PTPRD: variants seen among roughly 807,000 people sequenced by gnomAD.
PTPRD encodes the protein receptor-type tyrosine-protein phosphatase delta.
Under a neutral mutation model 214.5 loss-of-function variants are expected in PTPRD, and 34 were observed. That is an observed-to-expected ratio of 0.16 (90% confidence interval 0.12 to 0.21). The LOEUF is 0.21. PTPRD is among the 10% of genes least tolerant of loss of function. The probability of loss-of-function intolerance (pLI) is 1.00; values close to 1 mark genes in which losing one functional copy is unlikely to be tolerated. For missense variants in PTPRD, 2,545 were observed against 2,398.7 expected, an observed-to-expected ratio of 1.06 and a Z score of -1.27; for synonymous variants, 1,128 against 845.7, an observed-to-expected ratio of 1.33 and a Z score of -5.79.
At chr9:9,886,155 G>C (rs2070823503) in intron 5 of PTPRD, among the ~76,000 whole-genome samples, 1 of 152,028 alleles carries the variant, frequency 6.6e-6, no homozygotes, top group Non-Finnish European at 1.5e-5. Context: ...ATAGCCAAGA[G>C]ACATCAGAGG....
intron 35 of PTPRD, among the ~76,000 whole-genome samples, chr9:8,429,589 G>C (rs947084467): frequency 6.6e-6 from 1 of 152,114 alleles, no homozygotes; most frequent in Non-Finnish European, 1.5e-5. Context: ...AAAACAGAAG[G>C]ACAGGGCTCT....
chr9:9,084,894 C>T (rs1433955895), intron 10 of PTPRD, among the ~76,000 whole-genome samples: 1 of 152,048 alleles, frequency 6.6e-6, no homozygotes, highest in African/African-American at 2.4e-5. Flanking sequence ...ATTTCTTAGC[C>T]ACTTTCTCAT....
intron 14 of PTPRD, among the ~76,000 whole-genome samples, chr9:8,566,892 G>T (rs1036229491): frequency 6.6e-5 from 10 of 152,054 alleles, no homozygotes; most frequent in Admixed American, 2.6e-4. Flanking sequence ...GGTAGATCTG[G>T]TCATCAGTCC....
chr9:8,975,112 A>AC (rs1303210130), intron 11 of PTPRD, among the ~76,000 whole-genome samples: 1 of 151,756 alleles, frequency 6.6e-6, no homozygotes, highest in East Asian at 1.9e-4. Context: ...AAAAAAAAAA[A>AC]AAGATTTTCA....
At chr9:10,567,621 A>C (rs1053721372) in intron 2 of PTPRD, among the ~76,000 whole-genome samples, 3 of 152,056 alleles carry the variant, frequency 2.0e-5, no homozygotes, top group African/African-American at 7.2e-5. Flanking sequence ...TCTGATAGTC[A>C]AATGGAATAA....
chr9:8,668,798 G>T (rs1034470644), intron 12 of PTPRD, among the ~76,000 whole-genome samples: 1 of 152,162 alleles, frequency 6.6e-6, no homozygotes, highest in Non-Finnish European at 1.5e-5. Flanking sequence ...TCTCAAAATT[G>T]TGTCTACAAT....
intron 8 of PTPRD, among the ~76,000 whole-genome samples, chr9:9,496,203 A>T (rs1475477542): frequency 1.3e-5 from 2 of 152,228 alleles, no homozygotes; most frequent in Non-Finnish European, 2.9e-5. Context: ...AATTAAAAAA[A>T]TAGACAATTT....
At chr9:9,663,754 A>G (rs981495709) in intron 7 of PTPRD, among the ~76,000 whole-genome samples, 2 of 151,574 alleles carry the variant, frequency 1.3e-5, no homozygotes, top group Admixed American at 6.6e-5. Context: ...GTATTAAGTG[A>G]TATATACCTA....
chr9:9,580,211 T>G lies in PTPRD; in HGVS notation c.-286-5430A>C, dbSNP rs543978332. Among the ~76,000 whole-genome samples, 25 of 152,268 alleles carry G rather than the reference T, an allele frequency of 1.6e-4. No individual in the cohort carries two copies. The East Asian group carries it at 4.6e-3, about 28-fold the overall frequency. On this transcript the variant is annotated intron_variant, in intron 7 of 45. Transcript: ENST00000381196. ...TTTTTGGTACAATGATTTCTTTTCCTTCGGGTATATATCAAGTAGTGGGAT... is the reference window on the plus strand; with the variant it reads ...TTTTTGGTACAATGATTTCTTTTCCGTCGGGTATATATCAAGTAGTGGGAT...
rs555235829 is a variant in PTPRD, at chr9:8,649,441, T to G, written c.65-12597A>C. The stretch of plus-strand genomic sequence containing the variant: ...TCTCATCTATCAACTGCACACTGGT[T>G]AAGTTGGCAAGATACTTTGGGAAGT... On this transcript the variant is annotated intron_variant, in intron 12 of 45. Transcript: ENST00000381196. Among the ~76,000 whole-genome samples the G allele has an allele frequency of 2.0e-5, 3 of 152,332 alleles. No individual in the cohort carries two copies. The East Asian group carries it at 5.8e-4, about 29-fold the overall frequency.
At chr9:10,369,089 T>G (rs752302042) in intron 2 of PTPRD, among the ~76,000 whole-genome samples, 1 of 152,024 alleles carries the variant, frequency 6.6e-6, no homozygotes, top group Non-Finnish European at 1.5e-5. Flanking sequence ...GTTAAAAAAA[T>G]TGTGCTAAAT....
chr9:8,849,171 A>ATTTTTT (rs746565485), intron 11 of PTPRD, among the ~76,000 whole-genome samples: 11 of 108,740 alleles, frequency 1.0e-4, no homozygotes, highest in Admixed American at 3.5e-4. Flanking sequence ...TCAAAAAAAA[A>ATTTTTT]TTTTTTTTTT....
chr9:10,165,352 G>A (rs2099152525), intron 3 of PTPRD, among the ~76,000 whole-genome samples: 1 of 151,674 alleles, frequency 6.6e-6, no homozygotes, highest in Non-Finnish European at 1.5e-5. Context: ...TAATAAACAT[G>A]AAGCCACAGC....
chr9:9,096,211 G>A (rs1472626246), intron 10 of PTPRD, among the ~76,000 whole-genome samples: 1 of 152,188 alleles, frequency 6.6e-6, no homozygotes, highest in African/African-American at 2.4e-5. Context: ...CATGCCAAAT[G>A]AGTAGATTTT....
intron 8 of PTPRD, among the ~76,000 whole-genome samples, chr9:9,483,959 A>G (rs536247226): frequency 1.3e-5 from 2 of 151,866 alleles, no homozygotes; most frequent in East Asian, 3.9e-4. Flanking sequence ...CCCTACCTAC[A>G]GGTTTTCTGT....
chr9:9,608,331 G>T lies in PTPRD; in HGVS notation c.-286-33550C>A, dbSNP rs184399691. On this transcript the variant is annotated intron_variant, in intron 7 of 45. Transcript: ENST00000381196. ...TACAATTTTAAAGCCTCTGGTGCATGGTTATTTAACCTTATTGATACATCG... is the reference window on the plus strand; with the variant it reads ...TACAATTTTAAAGCCTCTGGTGCATTGTTATTTAACCTTATTGATACATCG... 3.7e-3 allele frequency among the ~76,000 whole-genome samples: 558 copies of T among 152,156 alleles called. 4 individuals are homozygous for T. The highest frequency in any genetic ancestry group is 5.7e-3 in the Non-Finnish European group (387 of 67,986).
At chr9:8,404,990 T>C (rs2092822520) in intron 35 of PTPRD, among the ~76,000 whole-genome samples, 1 of 152,242 alleles carries the variant, frequency 6.6e-6, no homozygotes, top group South Asian at 2.1e-4. Flanking sequence ...CTTGGTTCAA[T>C]ATTCCTTCCG....
At chr9:8,355,570 A>G (rs530705253) in intron 39 of PTPRD, among the ~76,000 whole-genome samples, 5 of 152,348 alleles carry the variant, frequency 3.3e-5, no homozygotes, top group African/African-American at 1.2e-4. Flanking sequence ...GAATAATACT[A>G]GAAGATGGGA....
At position 9,468,949 on chromosome 9, in the gene PTPRD, C is replaced by G. The variant is rs183018923; in HGVS notation, c.-236-71467G>C. Among the ~76,000 whole-genome samples the G allele has an allele frequency of 2.6e-5, 4 of 152,152 alleles. No homozygotes were observed. The East Asian group carries it at 5.8e-4, about 22-fold the overall frequency. On this transcript the variant is annotated intron_variant, in intron 8 of 45. Coordinates refer to ENST00000381196, the MANE Select transcript of PTPRD (RefSeq NM_002839.4). ...AAATATCTCCATAAAGGGGTTACATCAAAATCTCACAGGGAAACTGTACCA... is the reference window on the plus strand; with the variant it reads ...AAATATCTCCATAAAGGGGTTACATGAAAATCTCACAGGGAAACTGTACCA...
Sources: gnomAD v4.1 joint callset for allele counts (sites outside exome capture counted in the v4.1 genomes callset) on GRCh38, gnomAD v4.1.1 for gene constraint, MANE v1.5 for transcripts, NCBI Gene and HGNC (gene_info 2026-07-23, HGNC 2026-07-21) for gene names.